Variants in RBFOX1 observed in about 807,000 individuals in gnomAD.
The protein encoded by RBFOX1 is RNA binding fox-1 homolog 1.
A neutral mutation model predicts 57.7 loss-of-function variants in RBFOX1; 8 were observed. That is an observed-to-expected ratio of 0.14 (90% CI 0.08 to 0.25). The LOEUF (loss-of-function observed/expected upper bound fraction) is 0.25, where lower values mean the gene tolerates loss of function less well. Among genes scored for constraint, RBFOX1 ranks in the 10% least tolerant of loss-of-function variants. The pLI is 1.00. For missense variants in RBFOX1, 611 were observed against 548.5 expected (o/e 1.11, Z -1.14); for synonymous variants, 326 against 222.4 (o/e 1.47, Z -4.15).
chr16:7,157,756 C>G (rs1443370303), intron 4 of RBFOX1, among the ~76,000 whole-genome samples: 5 of 152,112 alleles, frequency 3.3e-5, no homozygotes, highest in Admixed American at 2.6e-4. Context: ...GTGGAAACAG[C>G]TTCACAAAAA....
At chr16:5,611,674 C>G (rs1371095541) in intron 3 of RBFOX1, among the ~76,000 whole-genome samples, 4 of 150,462 alleles carry the variant, frequency 2.7e-5, no homozygotes, top group East Asian at 1.9e-4. Context: ...ACTCTCTCAT[C>G]CATCCATCCA....
chr16:6,770,390 GATT>G (rs755251280), intron 3 of RBFOX1, among the ~76,000 whole-genome samples: 2 of 152,094 alleles, frequency 1.3e-5, no homozygotes, highest in Non-Finnish European at 2.9e-5. Context: ...ACTCCACTTG[GATT>G]ATTATTATTT....
At chr16:5,752,501 A>G (rs1341961720) in intron 3 of RBFOX1, among the ~76,000 whole-genome samples, 107 of 152,276 alleles carry the variant, frequency 7.0e-4, no homozygotes, top group Non-Finnish European at 1.4e-3. Flanking sequence ...TGTTTTTGCC[A>G]CCCACCTAGC....
chr16:6,600,686 A>G (rs940599848), intron 2 of RBFOX1, among the ~76,000 whole-genome samples: 1 of 152,226 alleles, frequency 6.6e-6, no homozygotes, highest in African/African-American at 2.4e-5. Context: ...TAGAATTACA[A>G]GTTTATAGAT....
At chr16:6,569,668 G>T (rs1241700891) in intron 2 of RBFOX1, among the ~76,000 whole-genome samples, 1 of 152,156 alleles carries the variant, frequency 6.6e-6, no homozygotes, top group Non-Finnish European at 1.5e-5. Flanking sequence ...GTGGTTTTCT[G>T]TGGGAACCCA....
intron 3 of RBFOX1, among the ~76,000 whole-genome samples, chr16:5,675,557 A>G (rs1349012509): frequency 6.6e-6 from 1 of 152,272 alleles, no homozygotes; most frequent in East Asian, 1.9e-4. Flanking sequence ...ACAGAAAACA[A>G]GGCATGGGGA....
At chr16:5,774,643 G>T (rs2342731) in intron 3 of RBFOX1, among the ~76,000 whole-genome samples, 36,892 of 152,058 alleles carry the variant, frequency 0.24, 5,264 homozygotes, top group East Asian at 0.55. Context: ...AGGGCTTTGG[G>T]ATACCAGCAG....
intron 3 of RBFOX1, among the ~76,000 whole-genome samples, chr16:6,876,820 G>A (rs12924968): frequency 0.25 from 38,465 of 151,990 alleles, 5,120 homozygotes; most frequent in African/African-American, 0.32. Flanking sequence ...AAAACTGACC[G>A]AAAGATGGAT....
chr16:7,197,233 G>T (rs9928904), intron 4 of RBFOX1, among the ~76,000 whole-genome samples: 3 of 151,800 alleles, frequency 2.0e-5, no homozygotes, highest in Non-Finnish European at 4.4e-5. Context: ...TTGTCTTTAG[G>T]GATGAAGAAA....
At chr16:5,951,023 G>A (rs957012967) in intron 4 of RBFOX1, among the ~76,000 whole-genome samples, 2 of 152,130 alleles carry the variant, frequency 1.3e-5, no homozygotes, top group East Asian at 3.9e-4. Flanking sequence ...TGTCTCTCCA[G>A]GTGTAGACTA....
chr16:6,855,949 C>A (rs148307883), intron 3 of RBFOX1, among the ~76,000 whole-genome samples: 9 of 151,492 alleles, frequency 5.9e-5, no homozygotes, highest in African/African-American at 2.2e-4. Context: ...ACTTCATGGG[C>A]TCTGTCATTT....
At chr16:6,084,519 C>T (rs866407398) in intron 1 of RBFOX1, among the ~76,000 whole-genome samples, 5 of 152,112 alleles carry the variant, frequency 3.3e-5, no homozygotes, top group African/African-American at 1.2e-4. Context: ...GTTGAGATTG[C>T]AGACAAAAAC....
intron 3 of RBFOX1, among the ~76,000 whole-genome samples, chr16:7,040,540 A>G (rs1365348978): frequency 6.6e-6 from 1 of 151,670 alleles, no homozygotes; most frequent in African/African-American, 2.4e-5. Context: ...ATTAAAAATG[A>G]GAAAACCTGC....
At chr16:6,643,821 G>A (rs1249442108) in intron 2 of RBFOX1, among the ~76,000 whole-genome samples, 1 of 96,864 alleles carries the variant, frequency 1.0e-5, no homozygotes, top group Non-Finnish European at 2.1e-5. Flanking sequence ...CTGAGTCTTT[G>A]TGAAGGTTAA....
chr16:6,658,940 T>TTTG lies in RBFOX1; in HGVS notation c.-16+4292_-16+4293insGTT, dbSNP rs768077125. 2.1e-5 allele frequency among the ~76,000 whole-genome samples: 3 copies of TTTG among 144,286 alleles called. No individual in the cohort carries two copies. The East Asian group carries it at 6.1e-4, about 29-fold the overall frequency. The allele number at this position is 144,286 out of a possible 152,430, so 94.7% of individuals were successfully genotyped here. A position where few individuals can be genotyped will look rare whatever the true frequency, so the allele number is the denominator to read the frequency against. ...TTTTTGTTTTTTGGTTTTTTTGTTT[T>TTTG]TTTTGTTTTTTTTTTTCCTCCTGCA... is the stretch of plus-strand genomic sequence containing the variant. On this transcript the variant is annotated intron_variant, in intron 3 of 15. Transcript: ENST00000550418.
At chr16:6,450,844 T>TAC (rs2094599774) in intron 2 of RBFOX1, among the ~76,000 whole-genome samples, 3 of 45,080 alleles carry the variant, frequency 6.7e-5, no homozygotes, top group African/African-American at 1.1e-4. Flanking sequence ...TATGTGTATA[T>TAC]ATATATATAT....
chr16:5,406,822 C>A (rs491975), intron 1 of RBFOX1, among the ~76,000 whole-genome samples: 1 of 152,084 alleles, frequency 6.6e-6, no homozygotes, highest in African/African-American at 2.4e-5. Context: ...GGGAGACAGA[C>A]GGCAGGCACA....
intron 2 of RBFOX1, chr16:6,483,255 T>C: frequency 7.8e-7 from 1 of 1,284,396 alleles, no homozygotes; most frequent in Non-Finnish European, 9.8e-7. Context: ...CCTCCCTTTG[T>C]GCGCGCCCGG....
At chr16:6,393,859 C>T (rs1391682634) in intron 2 of RBFOX1, among the ~76,000 whole-genome samples, 4 of 152,110 alleles carry the variant, frequency 2.6e-5, no homozygotes, top group Admixed American at 1.3e-4. Flanking sequence ...ATTGTAAGAA[C>T]TGTGTCAGGA....
Sources: gnomAD v4.1 joint callset for allele counts (sites outside exome capture counted in the v4.1 genomes callset) on GRCh38, gnomAD v4.1.1 for gene constraint, MANE v1.5 for transcripts, NCBI Gene and HGNC (gene_info 2026-07-23, HGNC 2026-07-21) for gene names.